Variants in PPEF1 observed in about 807,000 individuals in gnomAD.
PPEF1 encodes the protein serine/threonine-protein phosphatase with EF-hands 1.
PPEF1 carries 12 observed loss-of-function variants against 53.3 expected under a neutral mutation model. The observed-to-expected ratio is 0.23, with a 90% CI of 0.14 to 0.36. The LOEUF is 0.36. Among genes scored for constraint, PPEF1 ranks in the 10% least tolerant of loss-of-function variants. PPEF1 has a pLI of 1.00. For missense variants in PPEF1, 334 were observed against 490.4 expected, an observed-to-expected ratio of 0.68 and a Z score of 3.01; for synonymous variants, 165 against 176.7, an observed-to-expected ratio of 0.93 and a Z score of 0.52.
chrX:18,757,557 A>G, intron 4 of PPEF1, 70 bp from the exon 5 acceptor site: 1 of 816,882 alleles, frequency 1.2e-6, no homozygotes, highest in Non-Finnish European at 1.8e-6. Context: ...CTCCACCTTT[A>G]CAGTTTTCTA....
chrX:18,823,404 G>A (rs1005882691), intron 13 of PPEF1, among the ~76,000 whole-genome samples: 2 of 110,094 alleles, frequency 1.8e-5, no homozygotes, highest in East Asian at 5.7e-4. Context: ...GTGGGCAGAT[G>A]ACTTGAGGTC....
chrX:18,803,240 T>TCCCTAAGG (rs1301238085), intron 10 of PPEF1, among the ~76,000 whole-genome samples: 1 of 113,111 alleles, frequency 8.8e-6, no homozygotes, highest in Non-Finnish European at 1.9e-5. Flanking sequence ...CAGGAGCATG[T>TCCCTAAGG]CCCTAAGGCA....
intron 1 of PPEF1, among the ~76,000 whole-genome samples, chrX:18,727,449 A>G (rs1486750508): frequency 2.7e-5 from 3 of 111,305 alleles, no homozygotes; most frequent in African/African-American, 9.8e-5. Flanking sequence ...AAGGTTGAAG[A>G]TGTGTGTAGG....
intron 4 of PPEF1, among the ~76,000 whole-genome samples, chrX:18,754,824 C>T (rs1206533589): frequency 8.9e-6 from 1 of 111,834 alleles, no homozygotes; most frequent in East Asian, 2.8e-4. Context: ...TGGTCTCGAA[C>T]TCCTGGCCTC....
intron 14 of PPEF1, among the ~76,000 whole-genome samples, chrX:18,824,770 T>C (rs1005989021): frequency 9.1e-6 from 1 of 109,852 alleles, no homozygotes; most frequent in Non-Finnish European, 1.9e-5. Context: ...CTCAAGTGAC[T>C]CTCCTGTCTC....
intron 1 of PPEF1, among the ~76,000 whole-genome samples, chrX:18,719,946 T>A (rs918663775): frequency 8.9e-6 from 1 of 111,819 alleles, no homozygotes; most frequent in Non-Finnish European, 1.9e-5. Context: ...AGTAGAGAAG[T>A]TCACATGGAC....
chrX:18,815,607 G>A (rs182094258), intron 12 of PPEF1, among the ~76,000 whole-genome samples: 2 of 111,717 alleles, frequency 1.8e-5, no homozygotes, highest in African/African-American at 3.2e-5. Context: ...TAATTTGTTG[G>A]TCTACAGTTG....
At chrX:18,818,513 G>A (rs1241952183) in intron 13 of PPEF1, among the ~76,000 whole-genome samples, 1 of 109,735 alleles carries the variant, frequency 9.1e-6, no homozygotes, top group Non-Finnish European at 1.9e-5. Flanking sequence ...TAGGATTATA[G>A]GCATACACCA....
chrX:18,818,282 T>C (rs897255267), intron 13 of PPEF1, 137 bp downstream of exon 13: 13 of 381,206 alleles, frequency 3.4e-5, no homozygotes, highest in Non-Finnish European at 3.5e-5. Context: ...AAATAAAATA[T>C]AATCCATTAT....
chrX:18,776,479 C>T (rs1196929305), intron 6 of PPEF1, among the ~76,000 whole-genome samples: 3 of 111,208 alleles, frequency 2.7e-5, no homozygotes, highest in Non-Finnish European at 5.6e-5. Flanking sequence ...TCAAGCGATC[C>T]GTCCACCTCG....
chrX:18,807,454 T>C (rs2046697326), intron 12 of PPEF1, among the ~76,000 whole-genome samples: 1 of 112,308 alleles, frequency 8.9e-6, no homozygotes, highest in African/African-American at 3.2e-5. Flanking sequence ...CAGAGGTAAC[T>C]AAAACTGGCA....
At chrX:18,754,510 A>G (rs950597849) in intron 4 of PPEF1, among the ~76,000 whole-genome samples, 1 of 111,750 alleles carries the variant, frequency 8.9e-6, no homozygotes, top group Non-Finnish European at 1.9e-5. Flanking sequence ...ATCATCTTAG[A>G]TAGCTAAGGC....
intron 6 of PPEF1, among the ~76,000 whole-genome samples, chrX:18,701,170 C>T (rs929622145): frequency 8.9e-6 from 1 of 111,930 alleles, no homozygotes; most frequent in Non-Finnish European, 1.9e-5. Context: ...AAATAGTAGT[C>T]CCTTAATAAA....
chrX:18,739,001 G>A (rs1332448041), intron 3 of PPEF1, among the ~76,000 whole-genome samples: 1 of 111,854 alleles, frequency 8.9e-6, no homozygotes, highest in Non-Finnish European at 1.9e-5. Flanking sequence ...TCTTCTCTAC[G>A]CTGTTTATTC....
At chrX:18,691,970 G>T (rs1275482817) in intron 4 of PPEF1, among the ~76,000 whole-genome samples, 1 of 111,854 alleles carries the variant, frequency 8.9e-6, no homozygotes, top group Non-Finnish European at 1.9e-5. Flanking sequence ...TAGCCTCCCT[G>T]TTGGCTCCTT....
chrX:18,816,496 A>G (rs1026633189), intron 12 of PPEF1, among the ~76,000 whole-genome samples: 2 of 112,020 alleles, frequency 1.8e-5, no homozygotes, highest in Non-Finnish European at 3.8e-5. Context: ...CTATAGAAGA[A>G]TGTAATTCTC....
At chrX:18,753,973 G>A (rs1367638523) in intron 4 of PPEF1, among the ~76,000 whole-genome samples, 3 of 108,812 alleles carry the variant, frequency 2.8e-5, no homozygotes, top group Non-Finnish European at 5.7e-5. Flanking sequence ...AGTTGTGTGT[G>A]GTCTCTGAAA....
At chrX:18,688,727 G>A (rs184297092) in intron 3 of PPEF1, 36 of 112,290 alleles carry the variant, frequency 3.2e-4, no homozygotes, top group African/African-American at 1.1e-3. Context: ...AAAATTAATT[G>A]TAGAATTAAT....
At chrX:18,754,737 G>A (rs1387537476) in intron 4 of PPEF1, among the ~76,000 whole-genome samples, 1 of 111,725 alleles carries the variant, frequency 9.0e-6, no homozygotes, top group Non-Finnish European at 1.9e-5. Context: ...AGCTGGGACT[G>A]TAGGCACATG....
Sources: allele counts gnomAD v4.1 joint callset (sites outside exome capture counted in the v4.1 genomes callset), GRCh38; gene constraint gnomAD v4.1.1; transcripts MANE v1.5; gene names NCBI Gene and HGNC (gene_info 2026-07-23, HGNC 2026-07-21).